The following MIR2052HG variants were observed in gnomAD, a reference collection of about 807,000 sequenced individuals.
MIR2052HG encodes MIR2052 host gene.
At chr8:74,678,746 T>C (rs1809084520) in intron 2 of MIR2052HG, among the ~76,000 whole-genome samples, 1 of 151,738 alleles carries the variant, frequency 6.6e-6, no homozygotes, top group Non-Finnish European at 1.5e-5. Context: ...TAACAAACAT[T>C]AATATAATAG....
intron 2 of MIR2052HG, among the ~76,000 whole-genome samples, chr8:74,639,875 A>G (rs957643967): frequency 3.9e-5 from 6 of 152,020 alleles, no homozygotes; most frequent in Non-Finnish European, 5.9e-5. Flanking sequence ...ATTTGTATCC[A>G]TTGAACTAGT....
In MIR2052HG at chr8:74,673,928, A is replaced by G. The variant is rs922265943; in HGVS notation, n.217-28451A>G. ...ATATATATACACACACAAAATATCT[A>G]TCTATATATATTACTGCTCCTTGCA... On this transcript the variant is annotated intron_variant and non_coding_transcript_variant, in intron 2 of 6. Coordinates refer to ENST00000523442, the Ensembl canonical transcript of MIR2052HG. Among the ~76,000 whole-genome samples, 22 of 129,230 alleles carry G rather than the reference A, an allele frequency of 1.7e-4. No individual in the cohort carries two copies. In the East Asian group the frequency reaches 4.5e-3, roughly 26 times the overall value. 84.8% of individuals were successfully genotyped at this position (129,230 alleles called of 152,430 possible). A position where few individuals can be genotyped will look rare whatever the true frequency, so the allele number is the denominator to read the frequency against.
chr8:74,737,786 T>C (rs925339352), intron 4 of MIR2052HG, among the ~76,000 whole-genome samples: 3 of 152,166 alleles, frequency 2.0e-5, no homozygotes, highest in Non-Finnish European at 4.4e-5. Context: ...CTTCAGACTT[T>C]TGTTTTTGTT....
At chr8:74,712,969 G>A (rs1383854402) in intron 4 of MIR2052HG, among the ~76,000 whole-genome samples, 8 of 152,122 alleles carry the variant, frequency 5.3e-5, no homozygotes, top group Admixed American at 3.9e-4. Context: ...TGATAATAAA[G>A]GAAAGCACAT....
At chr8:74,670,387 G>A (rs1450650833) in intron 2 of MIR2052HG, among the ~76,000 whole-genome samples, 3 of 152,090 alleles carry the variant, frequency 2.0e-5, no homozygotes, top group Non-Finnish European at 4.4e-5. Context: ...TAATATGGCA[G>A]GCTATATATC....
chr8:74,728,520 G>C (rs1322552073), intron 4 of MIR2052HG, among the ~76,000 whole-genome samples: 1 of 152,146 alleles, frequency 6.6e-6, no homozygotes, highest in African/African-American at 2.4e-5. Flanking sequence ...GATCTTCCTT[G>C]TCTTCAAAAA....
intron 2 of MIR2052HG, among the ~76,000 whole-genome samples, chr8:74,694,419 A>T (rs902915620): frequency 3.9e-5 from 6 of 152,156 alleles, no homozygotes; most frequent in South Asian, 2.1e-4. Context: ...AAGGAACCAG[A>T]AAAACAATTC....
At chr8:74,639,640 A>G (rs1003834017) in intron 2 of MIR2052HG, among the ~76,000 whole-genome samples, 4 of 152,186 alleles carry the variant, frequency 2.6e-5, no homozygotes, top group Admixed American at 6.5e-5. Context: ...CCCATGATAT[A>G]TATGAAACTC....
intron 2 of MIR2052HG, among the ~76,000 whole-genome samples, chr8:74,623,353 A>G (rs566330119): frequency 6.6e-6 from 1 of 152,328 alleles, no homozygotes; most frequent in East Asian, 1.9e-4. Flanking sequence ...CGGAGGGAAC[A>G]TGTGCTAAGG....
At chr8:74,627,811 T>TA (rs1472509009) in intron 2 of MIR2052HG, among the ~76,000 whole-genome samples, 1 of 152,184 alleles carries the variant, frequency 6.6e-6, no homozygotes, top group African/African-American at 2.4e-5. Context: ...ATAAGCATTT[T>TA]AAAAAAATGA....
chr8:74,644,703 A>G (rs922178378), intron 2 of MIR2052HG, among the ~76,000 whole-genome samples: 2 of 151,864 alleles, frequency 1.3e-5, no homozygotes. Context: ...CCAGCCTGGG[A>G]AACATGGCAA....
intron 4 of MIR2052HG, among the ~76,000 whole-genome samples, chr8:74,711,556 C>T (rs541296357): frequency 1.3e-5 from 2 of 152,214 alleles, no homozygotes; most frequent in Non-Finnish European, 2.9e-5. Context: ...AGTGACAGTT[C>T]CATGGGAGAT....
chr8:74,733,230 G>A lies in MIR2052HG; in HGVS notation n.372-19211G>A, dbSNP rs575914175. Among the ~76,000 whole-genome samples the A allele has an allele frequency of 1.2e-3, 186 of 151,248 alleles. 1 individual carries two copies. Among genetic ancestry groups the A allele is most frequent in the African/African-American group, 4.2e-3 (173 of 41,284 alleles). The stretch of plus-strand genomic sequence containing the variant: ...ATCTCTCCTAAAGCTATCCCTCCCC[G>A]CTCTCCCCACCCCACAACAGGCCCC... On this transcript the variant is annotated intron_variant and non_coding_transcript_variant, in intron 4 of 6. Transcript: ENST00000523442.
chr8:74,623,565 A>T (rs1025858874), intron 2 of MIR2052HG, among the ~76,000 whole-genome samples: 2 of 152,234 alleles, frequency 1.3e-5, no homozygotes, highest in African/African-American at 4.8e-5. Flanking sequence ...CAATGTCATT[A>T]TTAAAAAGGT....
chr8:74,630,514 A>C (rs1420653383), intron 2 of MIR2052HG, among the ~76,000 whole-genome samples: 4 of 145,250 alleles, frequency 2.8e-5, no homozygotes, highest in African/African-American at 1.1e-4. Flanking sequence ...ACAAAAGTGC[A>C]AAAAGATTTC....
At chr8:74,642,771 T>C (rs1286202207) in intron 2 of MIR2052HG, among the ~76,000 whole-genome samples, 2 of 152,162 alleles carry the variant, frequency 1.3e-5, no homozygotes, top group Non-Finnish European at 2.9e-5. Flanking sequence ...ATAGTGTGTC[T>C]CTGAAATTGT....
At chr8:74,687,985 T>A (rs1307604979) in intron 2 of MIR2052HG, among the ~76,000 whole-genome samples, 4 of 152,188 alleles carry the variant, frequency 2.6e-5, no homozygotes, top group Non-Finnish European at 5.9e-5. Flanking sequence ...GTATATCAAT[T>A]GTGCCTCATT....
chr8:74,638,653 A>T (rs1808607914), intron 2 of MIR2052HG, among the ~76,000 whole-genome samples: 1 of 152,160 alleles, frequency 6.6e-6, no homozygotes, highest in Non-Finnish European at 1.5e-5. Flanking sequence ...TTGGGCAGGT[A>T]TTATTTATTA....
At chr8:74,628,169 T>C (rs1053886969) in intron 2 of MIR2052HG, among the ~76,000 whole-genome samples, 1 of 152,098 alleles carries the variant, frequency 6.6e-6, no homozygotes, top group African/African-American at 2.4e-5. Flanking sequence ...ACAAAAGATA[T>C]GGCCTTGGGG....
Sources: allele counts gnomAD v4.1 joint callset (sites outside exome capture counted in the v4.1 genomes callset), GRCh38; gene constraint gnomAD v4.1.1; transcripts MANE v1.5; gene names NCBI Gene and HGNC (gene_info 2026-07-23, HGNC 2026-07-21).